The following FAM227B variants were observed in gnomAD, a reference collection of about 807,000 sequenced individuals.
FAM227B encodes family with sequence similarity 227 member B.
FAM227B carries 88 observed loss-of-function variants against 73.8 expected under a neutral mutation model. That is an observed-to-expected ratio of 1.19 (90% CI 1.00 to 1.42). The LOEUF (loss-of-function observed/expected upper bound fraction) is 1.42, where lower values mean the gene tolerates loss of function less well. Ranked by LOEUF, FAM227B falls within the 40% of genes most tolerant of loss-of-function variation. The probability of loss-of-function intolerance (pLI) is 0.00; values close to 1 mark genes in which losing one functional copy is unlikely to be tolerated. For missense variants in FAM227B, 632 were observed against 590.9 expected, an observed-to-expected ratio of 1.07 and a Z score of -0.72; for synonymous variants, 210 against 190.5, an observed-to-expected ratio of 1.10 and a Z score of -0.84.
intron 11 of FAM227B, among the ~76,000 whole-genome samples, chr15:49,441,722 C>G (rs1016374808): frequency 1.7e-4 from 26 of 151,534 alleles, no homozygotes; most frequent in African/African-American, 5.8e-4. Flanking sequence ...TTATTTTATT[C>G]ATAATTCTTA....
intron 11 of FAM227B, among the ~76,000 whole-genome samples, chr15:49,497,386 C>T (rs769719591): frequency 6.6e-6 from 1 of 152,224 alleles, no homozygotes; most frequent in East Asian, 1.9e-4. Context: ...AAGCAACAAG[C>T]AGGATATGGA....
intron 11 of FAM227B, among the ~76,000 whole-genome samples, chr15:49,415,643 T>A: frequency 6.6e-6 from 1 of 152,184 alleles, no homozygotes; most frequent in East Asian, 1.9e-4. Context: ...GCATTTCAGA[T>A]AACTTCTTAC....
chr15:49,556,672 AG>A (rs61402600), intron 9 of FAM227B, among the ~76,000 whole-genome samples: 1 of 152,036 alleles, frequency 6.6e-6, no homozygotes, highest in Admixed American at 6.5e-5. Context: ...GCTGACAGAC[AG>A]GGGGCACTCA....
At position 49,611,994 on chromosome 15, in the gene FAM227B, A is replaced by T. The variant is rs559157564; in HGVS notation, c.52-726T>A. Among the ~76,000 whole-genome samples, 133 of 150,708 alleles carry T rather than the reference A, an allele frequency of 8.8e-4. 5 individuals carry two copies. In the South Asian group the frequency reaches 0.027, roughly 30 times the overall value. ...TGGTAACATACAGCAGATTATCTCTATGAGGATAGAAACTATGGTGCAATC... is the reference window on the plus strand; with the variant it reads ...TGGTAACATACAGCAGATTATCTCTTTGAGGATAGAAACTATGGTGCAATC... On this transcript the variant is annotated intron_variant, in intron 2 of 15. Transcript: ENST00000299338.
chr15:49,477,778 T>A (rs904483833), intron 11 of FAM227B, among the ~76,000 whole-genome samples: 3 of 152,230 alleles, frequency 2.0e-5, no homozygotes, highest in African/African-American at 7.2e-5. Context: ...GACTGCACCA[T>A]TTTGCATTCC....
chr15:49,596,375 A>C (rs931155699), intron 3 of FAM227B, among the ~76,000 whole-genome samples: 7 of 152,040 alleles, frequency 4.6e-5, no homozygotes, highest in Admixed American at 3.9e-4. Flanking sequence ...TTCATAAATG[A>C]AGACAAGATA....
intron 11 of FAM227B, among the ~76,000 whole-genome samples, chr15:49,382,114 G>T (rs991667372): frequency 6.6e-6 from 1 of 151,964 alleles, no homozygotes; most frequent in African/African-American, 2.4e-5. Context: ...TGATTGTTTG[G>T]TGGGGAGGGG....
chr15:49,605,284 C>T (rs887306622), intron 3 of FAM227B, among the ~76,000 whole-genome samples: 12 of 152,150 alleles, frequency 7.9e-5, no homozygotes, highest in Admixed American at 3.3e-4. Flanking sequence ...GTGGGCAGGC[C>T]TGTTACCTGA....
intron 11 of FAM227B, among the ~76,000 whole-genome samples, chr15:49,414,048 C>T (rs1422803514): frequency 2.0e-5 from 3 of 151,700 alleles, no homozygotes; most frequent in African/African-American, 7.3e-5. Context: ...ATCTATTATC[C>T]ACCCCCTCCT....
intron 11 of FAM227B, among the ~76,000 whole-genome samples, chr15:49,478,075 C>G (rs1158027842): frequency 1.3e-5 from 2 of 152,174 alleles, no homozygotes; most frequent in Non-Finnish European, 2.9e-5. Flanking sequence ...CCCTCATCTA[C>G]TCCCCGCCAG....
rs2037908536 is a variant in FAM227B, at chr15:49,328,486, G to A, written c.*82C>T. 1 of 1,562,330 alleles carries A rather than the reference G, an allele frequency of 6.4e-7. No homozygotes were observed. The highest frequency in any genetic ancestry group is 8.7e-7 in the Non-Finnish European group (1 of 1,152,312). On this transcript the variant is annotated 3_prime_UTR_variant, in exon 16 of 16. Transcript: ENST00000299338. ...AATACTGATTACATGGATTGGACTT[G>A]AATTAAATATATTGTTACAATTAAA...
chr15:49,538,788 A>G lies in FAM227B; in HGVS notation c.874+2892T>C, dbSNP rs191680832. On this transcript the variant is annotated intron_variant, in intron 10 of 15. Transcript: ENST00000299338. ...TTCATTCACTGTATTCTTAAACTCC[A>G]GAGTTCTGGTTTTTTAAATTCCTAT... Among the ~76,000 whole-genome samples the G allele has an allele frequency of 1.2e-4, 18 of 151,928 alleles. No homozygotes were observed. The East Asian group carries it at 1.4e-3, about 11-fold the overall frequency.
chr15:49,492,731 T>C (rs1234150906), intron 11 of FAM227B, among the ~76,000 whole-genome samples: 2 of 151,962 alleles, frequency 1.3e-5, no homozygotes, highest in Non-Finnish European at 1.5e-5. Flanking sequence ...TTTTATTGTC[T>C]TCTAAATACT....
intron 11 of FAM227B, among the ~76,000 whole-genome samples, chr15:49,379,176 G>T (rs1276719417): frequency 1.3e-5 from 2 of 152,062 alleles, no homozygotes; most frequent in Non-Finnish European, 2.9e-5. Flanking sequence ...TCTTTCTAAT[G>T]TATTGTTTAA....
At chr15:49,527,116 A>G (rs1246392367) in intron 10 of FAM227B, among the ~76,000 whole-genome samples, 3 of 152,016 alleles carry the variant, frequency 2.0e-5, no homozygotes, top group Non-Finnish European at 4.4e-5. Flanking sequence ...TTTCTGATGA[A>G]CACGGATGTA....
At chr15:49,604,688 T>C (rs2077401572) in intron 3 of FAM227B, among the ~76,000 whole-genome samples, 1 of 152,104 alleles carries the variant, frequency 6.6e-6, no homozygotes, top group African/African-American at 2.4e-5. Flanking sequence ...TATGTATATA[T>C]GTTTCACTTG....
rs541728202 is a variant in FAM227B at position 49,332,641 on chromosome 15, G to T, written c.1350-792C>A. ...GATGAGGAAGAGAAACGGAATAAAGGATATATAAGACTATTAATTTCACTG... is the reference window on the plus strand; with the variant it reads ...GATGAGGAAGAGAAACGGAATAAAGTATATATAAGACTATTAATTTCACTG... On this transcript the variant is annotated intron_variant, in intron 14 of 15. Transcript: ENST00000299338. 3.3e-5 allele frequency among the ~76,000 whole-genome samples: 5 copies of T among 152,232 alleles called. No individual in the cohort carries two copies. The South Asian group carries it at 1.0e-3, about 32-fold the overall frequency.
chr15:49,575,110 C>T lies in FAM227B; in HGVS notation c.547-1G>A, dbSNP rs371378414. 9.6e-6 allele frequency: 15 copies of T among 1,556,590 alleles called. No individual in the cohort carries two copies. Among genetic ancestry groups the T allele is most frequent in the Non-Finnish European group, 1.3e-5 (15 of 1,141,598 alleles). On this transcript the variant is annotated splice_acceptor_variant, in intron 7 of 15. Transcript: ENST00000299338. LOFTEE classifies it high-confidence loss of function. ...TCTTCCAGATTTTAAAAACTCTTTC[C>T]TATGGAAAAAAACAAGAGAGAGATG...
intron 10 of FAM227B, among the ~76,000 whole-genome samples, chr15:49,534,433 A>G (rs2060853700): frequency 6.6e-6 from 1 of 152,012 alleles, no homozygotes; most frequent in Middle Eastern, 3.4e-3. Context: ...GTAACAATTA[A>G]AAGTATATAT....
Sources: allele counts gnomAD v4.1 joint callset (sites outside exome capture counted in the v4.1 genomes callset), GRCh38; gene constraint gnomAD v4.1.1; transcripts MANE v1.5; gene names NCBI Gene and HGNC (gene_info 2026-07-23, HGNC 2026-07-21).